The following SLC38A6 variants were observed in gnomAD, a reference collection of about 807,000 sequenced individuals.
SLC38A6 encodes N system amino acid transporter NAT-1.
Under a neutral mutation model 65.0 loss-of-function variants are expected in SLC38A6, and 73 were observed. The observed-to-expected ratio is 1.12, with a 90% confidence interval of 0.93 to 1.37. The LOEUF (loss-of-function observed/expected upper bound fraction) is 1.37. SLC38A6 is among the 40% of genes most tolerant of loss of function. SLC38A6 has a pLI of 0.00. For synonymous variants in SLC38A6, 183 were observed against 178.8 expected, an observed-to-expected ratio of 1.02 and a Z score of -0.19; for missense variants, 561 against 531.1, an observed-to-expected ratio of 1.06 and a Z score of -0.55.
intron 15 of SLC38A6, among the ~76,000 whole-genome samples, chr14:61,074,445 G>A (rs1381059976): frequency 1.3e-5 from 2 of 152,162 alleles, no homozygotes; most frequent in Non-Finnish European, 1.5e-5. Flanking sequence ...TTCCTGGCTT[G>A]CAAATGGCTG....
At chr14:61,063,134 CAG>C (rs1475046814) in intron 15 of SLC38A6, among the ~76,000 whole-genome samples, 2 of 152,030 alleles carry the variant, frequency 1.3e-5, no homozygotes, top group African/African-American at 4.8e-5. Context: ...TTTAAGAAAT[CAG>C]TGTATTAAAT....
chr14:61,015,225 T>C (rs1219481401), intron 3 of SLC38A6, among the ~76,000 whole-genome samples: 3 of 152,148 alleles, frequency 2.0e-5, no homozygotes, highest in East Asian at 1.9e-4. Flanking sequence ...GCTAAGACCA[T>C]TGGAAAAGCG....
intron 10 of SLC38A6, 121 bp downstream of exon 10, chr14:61,043,624 T>C (rs1204310807): frequency 1.6e-6 from 1 of 626,096 alleles, no homozygotes; most frequent in Non-Finnish European, 2.7e-6. Context: ...ATGAAAGTGC[T>C]AAGTATAGGA....
chr14:61,054,071 C>T (rs2042622811), downstream of SLC38A6, among the ~76,000 whole-genome samples: 1 of 152,092 alleles, frequency 6.6e-6, no homozygotes, highest in African/African-American at 2.4e-5. Flanking sequence ...GGAAAGGGTA[C>T]AGCTTCAATC....
At chr14:61,012,843 A>C (rs1476300144) in intron 3 of SLC38A6, among the ~76,000 whole-genome samples, 1 of 152,218 alleles carries the variant, frequency 6.6e-6, no homozygotes, top group Non-Finnish European at 1.5e-5. Context: ...TGTGGTGCTG[A>C]AAAGAATGTG....
chr14:61,019,147 C>T (rs760520379), intron 4 of SLC38A6, among the ~76,000 whole-genome samples: 13 of 152,142 alleles, frequency 8.5e-5, no homozygotes, highest in Non-Finnish European at 1.5e-4. Flanking sequence ...GGCAATATAG[C>T]ATTGGCATAG....
downstream of SLC38A6, among the ~76,000 whole-genome samples, chr14:61,055,303 T>C (rs1284834636): frequency 2.0e-5 from 1 of 49,470 alleles, no homozygotes; most frequent in East Asian, 5.2e-4. Context: ...GAGTGTGATA[T>C]TCCCCTTCCT....
chr14:61,082,095 C>A (rs1204410313), intron 16 of SLC38A6, among the ~76,000 whole-genome samples: 2 of 152,110 alleles, frequency 1.3e-5, no homozygotes, highest in African/African-American at 4.8e-5. Flanking sequence ...TTTTCTGCAT[C>A]CCCACACTTC....
downstream of SLC38A6, among the ~76,000 whole-genome samples, chr14:61,055,247 C>T (rs2042674420): frequency 2.6e-5 from 2 of 75,698 alleles, no homozygotes; most frequent in African/African-American, 5.0e-5. Flanking sequence ...AGGTATATCT[C>T]CCAATGCTAT....
At chr14:61,020,825 A>T (rs1464847743) in intron 5 of SLC38A6, among the ~76,000 whole-genome samples, 1 of 152,156 alleles carries the variant, frequency 6.6e-6, no homozygotes, top group African/African-American at 2.4e-5. Flanking sequence ...GTATATTTTT[A>T]TATTTTTAAT....
intron 4 of SLC38A6, among the ~76,000 whole-genome samples, chr14:61,016,800 A>G (rs1397504176): frequency 1.3e-5 from 2 of 152,312 alleles, no homozygotes; most frequent in African/African-American, 4.8e-5. Flanking sequence ...CAAATTGTAT[A>G]TATTTATTAT....
chr14:61,052,302 T>C (rs1226066614), intron 15 of SLC38A6, 47 bp from the exon 16 acceptor site: 1 of 1,456,154 alleles, frequency 6.9e-7, no homozygotes, highest in African/African-American at 1.5e-5. Context: ...TTTTTATCTT[T>C]TTTCTTTTAT....
intron 15 of SLC38A6, among the ~76,000 whole-genome samples, chr14:61,061,914 T>C (rs771240278): frequency 2.0e-5 from 3 of 151,248 alleles, no homozygotes; most frequent in Non-Finnish European, 4.4e-5. Context: ...CTCGGCTCAC[T>C]GTAGCCTCCA....
chr14:61,063,613 T>C (rs985270934), intron 15 of SLC38A6, among the ~76,000 whole-genome samples: 15 of 152,176 alleles, frequency 9.9e-5, no homozygotes, highest in African/African-American at 3.4e-4. Flanking sequence ...GGTTTTCATA[T>C]ATGGAAATAC....
At chr14:61,017,940 A>G (rs966565867) in intron 4 of SLC38A6, among the ~76,000 whole-genome samples, 16 of 152,216 alleles carry the variant, frequency 1.1e-4, no homozygotes, top group Non-Finnish European at 1.3e-4. Context: ...ATTATGATAA[A>G]GAAATTTTTT....
chr14:61,076,223 C>T (rs1411109327), intron 15 of SLC38A6, among the ~76,000 whole-genome samples: 1 of 152,146 alleles, frequency 6.6e-6, no homozygotes, highest in Non-Finnish European at 1.5e-5. Flanking sequence ...GGGAAGAGCA[C>T]TCCCATGGAA....
At chr14:61,023,584 TAATA>T (rs776158201) in intron 5 of SLC38A6, among the ~76,000 whole-genome samples, 6,367 of 31,994 alleles carry the variant, frequency 0.2, 250 homozygotes, top group Middle Eastern at 0.27. Context: ...ATAATAATAA[TAATA>T]ATATATATAT....
chr14:61,030,977 C>T (rs1176648517), intron 6 of SLC38A6: 1 of 152,370 alleles, frequency 6.6e-6, no homozygotes, highest in African/African-American at 2.4e-5. Context: ...GTGGCAGTTA[C>T]AACTATACCT....
chr14:61,022,989 A>G (rs1489025888), intron 5 of SLC38A6, among the ~76,000 whole-genome samples: 2 of 152,176 alleles, frequency 1.3e-5, no homozygotes, highest in African/African-American at 2.4e-5. Context: ...AAGATTTTCT[A>G]ACTTCTTGGG....
Sources: gnomAD v4.1 joint callset for allele counts (sites outside exome capture counted in the v4.1 genomes callset) on GRCh38, gnomAD v4.1.1 for gene constraint, MANE v1.5 for transcripts, NCBI Gene and HGNC (gene_info 2026-07-23, HGNC 2026-07-21) for gene names.